Variants in SERPINI2 observed in about 807,000 individuals in gnomAD.
SERPINI2 encodes the protein serpin I2.
SERPINI2 carries 48 observed loss-of-function variants against 47.3 expected under a neutral mutation model. That is an observed-to-expected ratio of 1.02 (90% CI 0.81 to 1.29). The LOEUF is 1.29. Among genes scored for constraint, SERPINI2 ranks in the 50% most tolerant of loss-of-function variants. SERPINI2 has a pLI of 0.00. For missense variants in SERPINI2, 448 were observed against 456.9 expected (o/e 0.98, Z 0.18); for synonymous variants, 135 against 149.3 (o/e 0.90, Z 0.70).
At chr3:167,471,920 C>T (rs1750338980) in intron 1 of SERPINI2, 76 bp from the exon 2 acceptor site, 1 of 1,065,492 alleles carries the variant, frequency 9.4e-7, no homozygotes, top group Non-Finnish European at 1.4e-6. Context: ...AAACTTTCTA[C>T]CTGTTGTAGC....
At chr3:167,451,474 T>C (rs1749638857) in intron 6 of SERPINI2, among the ~76,000 whole-genome samples, 1 of 152,240 alleles carries the variant, frequency 6.6e-6, no homozygotes, top group African/African-American at 2.4e-5. Context: ...GAATTTACTG[T>C]GCTCCTAGCT....
intron 6 of SERPINI2, among the ~76,000 whole-genome samples, chr3:167,452,218 G>T (rs1282176605): frequency 6.6e-6 from 1 of 152,110 alleles, no homozygotes; most frequent in African/African-American, 2.4e-5. Flanking sequence ...CATTTTTATA[G>T]AACAGAAGAC....
At position 167,464,940 on chromosome 3, in the gene SERPINI2, T is replaced by C. The variant is rs78508958; in HGVS notation, c.866+266A>G. 3.0e-3 allele frequency among the ~76,000 whole-genome samples: 462 copies of C among 152,310 alleles called. 6 individuals carry two copies. Among genetic ancestry groups the C allele is most frequent in the African/African-American group, 0.01 (432 of 41,556 alleles). On this transcript the variant is annotated intron_variant, in intron 5 of 8. Coordinates refer to ENST00000264677, the Ensembl canonical transcript of SERPINI2. Reference sequence around the variant, plus strand: ...ATAATAAAAAGACAATAATTCCTTCTAATCCCAACATTCTAATTTTAAGAC... The same window carrying C: ...ATAATAAAAAGACAATAATTCCTTCCAATCCCAACATTCTAATTTTAAGAC...
chr3:167,446,617 TA>T (rs1749486727), intron 7 of SERPINI2, 136 bp from the exon 8 acceptor site: 2 of 520,106 alleles, frequency 3.8e-6, no homozygotes, highest in Non-Finnish European at 6.7e-6. Flanking sequence ...AACCATTTTC[TA>T]AATACAGAGG....
chr3:167,455,608 AAAAG>A (rs1749766508), intron 5 of SERPINI2, among the ~76,000 whole-genome samples: 4 of 136,750 alleles, frequency 2.9e-5, no homozygotes, highest in African/African-American at 3.1e-5. Context: ...AAAAAAAAAG[AAAAG>A]AAAAGAAAAG....
chr3:167,455,602 A>AAAAAAGAAAAG (rs550087959), intron 5 of SERPINI2, among the ~76,000 whole-genome samples: 1 of 150,872 alleles, frequency 6.6e-6, no homozygotes, highest in African/African-American at 2.4e-5. Context: ...TCAAAAAAAA[A>AAAAAAGAAAAG]AAAAGAAAAG....
intron 5 of SERPINI2, among the ~76,000 whole-genome samples, chr3:167,461,018 A>C (rs1267003171): frequency 1.3e-5 from 2 of 152,164 alleles, no homozygotes; most frequent in Admixed American, 1.3e-4. Flanking sequence ...TATGATGTGA[A>C]TTTTCCTGAA....
At chr3:167,457,998 T>A (rs976289534) in intron 5 of SERPINI2, among the ~76,000 whole-genome samples, 3 of 152,230 alleles carry the variant, frequency 2.0e-5, no homozygotes, top group Non-Finnish European at 4.4e-5. Context: ...GACTACTACA[T>A]AGATCTTTCT....
chr3:167,455,756 C>A (rs1749770981), intron 5 of SERPINI2, among the ~76,000 whole-genome samples: 1 of 152,076 alleles, frequency 6.6e-6, no homozygotes, highest in Non-Finnish European at 1.5e-5. Context: ...AGGAAACTTA[C>A]AATCATGGCT....
At chr3:167,450,583 T>C (rs1749614281) in intron 6 of SERPINI2, among the ~76,000 whole-genome samples, 1 of 152,100 alleles carries the variant, frequency 6.6e-6, no homozygotes, top group South Asian at 2.1e-4. Flanking sequence ...TGCATCTGAG[T>C]ATGTCTAGTG....
intron 3 of SERPINI2, among the ~76,000 whole-genome samples, chr3:167,466,044 A>G (rs1750125564): frequency 6.6e-6 from 1 of 152,190 alleles, no homozygotes; most frequent in Non-Finnish European, 1.5e-5. Context: ...AATGTCAGTC[A>G]TCATAAGTAA....
At chr3:167,451,124 A>T (rs1460438195) in intron 6 of SERPINI2, among the ~76,000 whole-genome samples, 1 of 152,186 alleles carries the variant, frequency 6.6e-6, no homozygotes, top group Non-Finnish European at 1.5e-5. Context: ...TTTATATTTA[A>T]CTATGTGCCA....
At chr3:167,454,996 A>T (rs1749743445) in intron 5 of SERPINI2, among the ~76,000 whole-genome samples, 1 of 152,200 alleles carries the variant, frequency 6.6e-6, no homozygotes, top group African/African-American at 2.4e-5. Context: ...GTCTATTTGA[A>T]GTCAAAGCTA....
At chr3:167,449,262 G>T in intron 7 of SERPINI2, 54 bp downstream of exon 7, 1 of 1,190,420 alleles carries the variant, frequency 8.4e-7, no homozygotes, top group Non-Finnish European at 1.3e-6. Context: ...GCACCATAAT[G>T]TTCATCCTCT....
intron 6 of SERPINI2, among the ~76,000 whole-genome samples, chr3:167,451,011 A>G (rs1186473915): frequency 3.9e-5 from 6 of 152,228 alleles, no homozygotes; most frequent in Admixed American, 3.3e-4. Flanking sequence ...TAATTTTTAA[A>G]TGAAAATTCT....
In SERPINI2 at chr3:167,460,475, A is replaced by T. The variant is rs186404428; in HGVS notation, c.866+4731T>A. Among the ~76,000 whole-genome samples the T allele has an allele frequency of 1.8e-3, 269 of 152,360 alleles. 1 individual carries two copies. The highest frequency in any genetic ancestry group is 6.4e-3 in the African/African-American group (266 of 41,594). On this transcript the variant is annotated intron_variant, in intron 5 of 8. Coordinates refer to ENST00000264677, the Ensembl canonical transcript of SERPINI2. ...CATAAACAGGTTCTGATAAGTTAAA[A>T]TTGTTAATGAACTAAATACATAAGC...
At chr3:167,452,884 G>T in intron 6 of SERPINI2, 52 bp downstream of exon 6, 1 of 1,143,052 alleles carries the variant, frequency 8.7e-7, no homozygotes, top group Non-Finnish European at 1.3e-6. Context: ...AGTTAATGTA[G>T]TCCTAACAAA....
At chr3:167,452,130 T>C (rs1196373697) in intron 6 of SERPINI2, among the ~76,000 whole-genome samples, 3 of 150,590 alleles carry the variant, frequency 2.0e-5, no homozygotes, top group African/African-American at 7.3e-5. Context: ...GATACCTATA[T>C]AGAAATAAAT....
At chr3:167,474,254 T>A, upstream of SERPINI2, 1 of 412,770 alleles carries the variant, frequency 2.4e-6, no homozygotes, top group Non-Finnish European at 3.3e-6. Context: ...TTAAAAGTAT[T>A]AAATTTATAT....
Sources: gnomAD v4.1 joint callset for allele counts (sites outside exome capture counted in the v4.1 genomes callset) on GRCh38, gnomAD v4.1.1 for gene constraint, MANE v1.5 for transcripts, NCBI Gene and HGNC (gene_info 2026-07-23, HGNC 2026-07-21) for gene names.